The following CNPPD1 variants were observed in gnomAD, a reference collection of about 807,000 sequenced individuals.
The protein encoded by CNPPD1 is cyclin Pas1/PHO80 domain containing 1, also known as protein CNPPD1.
A neutral mutation model predicts 43.7 loss-of-function variants in CNPPD1; 40 were observed. That is an observed-to-expected ratio of 0.92 (90% CI 0.71 to 1.19). CNPPD1 has a LOEUF of 1.19. CNPPD1 is among the 50% of genes most tolerant of loss of function. The pLI is 0.00. For synonymous variants in CNPPD1, 208 were observed against 214.3 expected (o/e 0.97, Z 0.26); for missense variants, 511 against 518.5 (o/e 0.99, Z 0.14).
At chr2:219,175,257 T>C (rs1950140489) in intron 3 of CNPPD1, 149 bp from the exon 4 acceptor site, 1 of 1,066,564 alleles carries the variant, frequency 9.4e-7, no homozygotes, top group African/African-American at 1.6e-5. Context: ...TCCCAGCACT[T>C]TGGAAGACCA....
In CNPPD1 at chr2:219,174,972, G is replaced by C; in HGVS notation, c.381+16C>G. On this transcript the variant is annotated intron_variant, in intron 4 of 7. Coordinates refer to ENST00000360507, the MANE Select transcript of CNPPD1 (RefSeq NM_015680.6). ...GGCTCTTGGCTCTTTAGGGAGATGG[G>C]GAGGGGGTGTCTTACCATGGAGATC... 1.9e-6 allele frequency: 3 copies of C among 1,614,152 alleles called. No homozygotes were observed. Among genetic ancestry groups the C allele is most frequent in the Non-Finnish European group, 2.5e-6 (3 of 1,180,032 alleles).
rs201411225 is a variant in CNPPD1, at chr2:219,174,836, G to C, written c.452C>G (p.Ala151Gly). 4.3e-6 allele frequency: 7 copies of C among 1,614,074 alleles called. No homozygotes were observed. The East Asian group carries it at 1.6e-4, about 36-fold the overall frequency. The change falls in exon 5 of 8, where the codon GCT becomes GGT. Residue 151 changes from alanine to glycine, a missense_variant. Ala to Gly is a moderately conservative substitution (Grantham distance 60). Transcript: ENST00000360507. ...EEVFNDEWGA[A>G]GGVAVPTLNA... ...GAGAGTGGGCACGGCCACACCCCCA[G>C]CAGCTCCCCATTCGTCGTTGAAGAC...
Position 219,176,792 on chromosome 2 carries a change from T to C in CNPPD1, c.37A>G (p.Thr13Ala), listed in dbSNP as rs762816763. 1 of 1,584,806 alleles carries C rather than the reference T, an allele frequency of 6.3e-7. No homozygotes were observed. The highest frequency in any genetic ancestry group is 1.1e-5 in the South Asian group (1 of 87,052). ...LTGLLLDEEG[T>A]FSLAGFQDFT... ...TCCTGGAAGCCGGCGAGGGAGAAGGTGCCTTCTTCGTCCAGCAGGAGCCCG... is the reference window on the plus strand; with the variant it reads ...TCCTGGAAGCCGGCGAGGGAGAAGGCGCCTTCTTCGTCCAGCAGGAGCCCG... Residue 13 changes from threonine (T) to alanine (A), a missense_variant, in exon 1 of 8, where the codon ACC becomes GCC. Coordinates refer to ENST00000360507, the MANE Select transcript of CNPPD1 (RefSeq NM_015680.6).
rs4674361 is a variant in CNPPD1, at chr2:219,172,671, A to G, written c.1148T>C (p.Leu383Pro). 1,613,208 of 1,614,164 alleles carry G rather than the reference A, an allele frequency of 1. 806,129 individuals are homozygous for G. The highest frequency in any genetic ancestry group is 1 in the Non-Finnish European group (1,180,025 of 1,180,036). Residue 383 changes from leucine to proline, a missense_variant, in exon 8 of 8, where the codon CTC becomes CCC. Coordinates refer to ENST00000360507, the MANE Select transcript of CNPPD1 (RefSeq NM_015680.6). ...TTGCTGAGGCTGAGGAAGTGAAAGG[A>G]GCACCGGGCTCCAAGGCCAGGGGGG... ...LAPPWPWSPV[L>P]LSLPQPQQCS...
In CNPPD1 at chr2:219,176,284, G is replaced by C; in HGVS notation, c.117C>G (p.Leu39=). 6.2e-7 allele frequency: 1 copy of C among 1,614,216 alleles called. No individual in the cohort carries two copies. The highest frequency in any genetic ancestry group is 1.1e-5 in the South Asian group (1 of 91,090). ...CGGCTTCCCAGTCCCAGCCATAGTA[G>C]AGCCTCCTTCGGATCCGGGCACTCA... ...QKLSARIRRR[L]YYGWDWEADC... Residue 39 remains leucine, a synonymous_variant, in exon 2 of 8, where the codon CTC becomes CTG. Coordinates refer to ENST00000360507, the MANE Select transcript of CNPPD1 (RefSeq NM_015680.6).
intron 3 of CNPPD1, 130 bp from the exon 4 acceptor site, chr2:219,175,238 T>G: frequency 1.6e-6 from 2 of 1,229,610 alleles, no homozygotes; most frequent in Non-Finnish European, 2.2e-6. Flanking sequence ...CGGTGGCTCA[T>G]GTCTGTAATC....
upstream of CNPPD1, chr2:219,178,139 A>G (rs1277063423): frequency 3.7e-6 from 1 of 267,306 alleles, no homozygotes; most frequent in Non-Finnish European, 6.6e-6. Context: ...GCGCAGTGTC[A>G]GCGGCAGCCG....
intron 1 of CNPPD1, 185 bp from the exon 2 acceptor site, chr2:219,176,516 C>T (rs556909335): frequency 3.2e-6 from 2 of 624,482 alleles, no homozygotes; most frequent in Admixed American, 2.9e-5. Context: ...GGGAGGAATG[C>T]CCCCACCCCC....
chr2:219,174,201 G>A lies in CNPPD1; in HGVS notation c.517C>T (p.His173Tyr). Residue 173 changes from histidine (H) to tyrosine (Y), a missense_variant, in exon 6 of 8, where the codon CAT becomes TAT. Coordinates refer to ENST00000360507, the MANE Select transcript of CNPPD1 (RefSeq NM_015680.6). The stretch of plus-strand genomic sequence containing the variant: ...ATCTCCCGAGGGTCAGTGTAGAGAT[G>A]CCAATCCTGTGAGTACGGAGAGTGG... ...ERGFLSAMDW[H>Y]LYTDPREIFE... 6.2e-7 allele frequency: 1 copy of A among 1,614,048 alleles called. No homozygotes were observed. The highest frequency in any genetic ancestry group is 8.5e-7 in the Non-Finnish European group (1 of 1,179,980).
At chr2:219,173,156 A>C (rs1950102852) in intron 7 of CNPPD1, 28 bp from the exon 8 acceptor site, 2 of 1,539,848 alleles carry the variant, frequency 1.3e-6, no homozygotes, top group Admixed American at 3.9e-5. Context: ...AGAAAGAAGG[A>C]ATCTGTCTTT....
chr2:219,172,730 C>T lies in CNPPD1; in HGVS notation c.1089G>A (p.Leu363=). 6.2e-7 allele frequency: 1 copy of T among 1,613,352 alleles called. No individual in the cohort carries two copies. The highest frequency in any genetic ancestry group is 8.5e-7 in the Non-Finnish European group (1 of 1,179,616). Residue 363 remains leucine, a synonymous_variant, in exon 8 of 8, where the codon CTG becomes CTA. Coordinates refer to ENST00000360507, the MANE Select transcript of CNPPD1 (RefSeq NM_015680.6). ...CATAGGTATGGTACCAGGGGCTGGA[C>T]AGCGCAGTGGGGACTGTACGGTTGG... ...LHPNRTVPTA[L]SSPWYHTYGL...
In CNPPD1 at chr2:219,173,349, C is replaced by T. The variant is rs777021651; in HGVS notation, c.690+1G>A. ...CCCTATCCTTCCGAGCCCCTCCTCA[C>T]CTTTACCAGCCGCTGGCAGAGGGAG... On this transcript the variant is annotated splice_donor_variant, in intron 7 of 7. Coordinates refer to ENST00000360507, the MANE Select transcript of CNPPD1 (RefSeq NM_015680.6). LOFTEE classifies it high-confidence loss of function. The T allele has an allele frequency of 6.2e-7, 1 of 1,612,696 alleles. No individual in the cohort carries two copies. Among genetic ancestry groups the T allele is most frequent in the Admixed American group, 1.7e-5 (1 of 59,990 alleles).
Position 219,176,806 on chromosome 2 carries a change from A to G in CNPPD1, c.23T>C (p.Leu8Pro). MDLTGLL[L>P]DEEGTFSLAG... ...GAGGGAGAAGGTGCCTTCTTCGTCC[A>G]GCAGGAGCCCGGTCAGGTCCATCGC... Residue 8 changes from leucine (L) to proline (P), a missense_variant, in exon 1 of 8, where the codon CTG becomes CCG. By Grantham distance (98) the Leu-to-Pro change is moderately conservative. Transcript: ENST00000360507. The G allele has an allele frequency of 6.3e-7, 1 of 1,583,280 alleles. No homozygotes were observed. Among genetic ancestry groups the G allele is most frequent in the South Asian group, 1.2e-5 (1 of 86,894 alleles).
chr2:219,173,159 C>A, intron 7 of CNPPD1, 31 bp from the exon 8 acceptor site: 1 of 1,533,538 alleles, frequency 6.5e-7, no homozygotes. Context: ...AAGAAGGAAT[C>A]TGTCTTTAAC....
At chr2:219,175,263 G>A (rs1950140571) in intron 3 of CNPPD1, among the ~76,000 whole-genome samples, 155 bp from the exon 4 acceptor site, 1 of 152,210 alleles carries the variant, frequency 6.6e-6, no homozygotes, top group African/African-American at 2.4e-5. Context: ...CACTTTGGAA[G>A]ACCAAGGTGG....
rs964838225 is a variant in CNPPD1 at position 219,172,647 on chromosome 2, T to C, written c.1172A>G (p.Gln391Arg). 1 of 1,613,986 alleles carries C rather than the reference T, an allele frequency of 6.2e-7. No homozygotes were observed. The highest frequency in any genetic ancestry group is 8.5e-7 in the Non-Finnish European group (1 of 1,180,024). Residue 391 changes from glutamine (Q) to arginine (R), a missense_variant, in exon 8 of 8, where the codon CAA (glutamine) becomes CGA (arginine). Coordinates refer to ENST00000360507, the MANE Select transcript of CNPPD1 (RefSeq NM_015680.6). Reference protein sequence around the residue: ...PVLLSLPQPQQCSLFSVMELA... With the variant: ...PVLLSLPQPQRCSLFSVMELA... ...CTCCATGACACTGAAAAGGGAACAT[T>C]GCTGAGGCTGAGGAAGTGAAAGGAG...
At position 219,172,813 on chromosome 2, in the gene CNPPD1, A is replaced by G. The variant is rs1269981198; in HGVS notation, c.1006T>C (p.Cys336Arg). The change falls in exon 8 of 8, where the codon TGC (cysteine) becomes CGC (arginine). Residue 336 changes from cysteine to arginine, a missense_variant. Physicochemically the swap from Cys to Arg is radical, Grantham distance 180. Transcript: ENST00000360507. ...PPAPPTLLHN[C>R]HLCQKLQRDS... ...CTCTGGAGCTTCTGGCAAAGGTGGC[A>G]GTTATGAAGAAGAGTGGGAGGGGCA... The G allele has an allele frequency of 6.3e-7, 1 of 1,584,218 alleles. No individual in the cohort carries two copies. The highest frequency in any genetic ancestry group is 1.1e-5 in the South Asian group (1 of 87,390).
At chr2:219,177,473 A>C (rs1950195309), upstream of CNPPD1, among the ~76,000 whole-genome samples, 1 of 152,228 alleles carries the variant, frequency 6.6e-6, no homozygotes, top group East Asian at 1.9e-4. Flanking sequence ...TCAGCAATGC[A>C]TATGAAAAGC....
In CNPPD1 at chr2:219,173,068, C is replaced by G. The variant is rs761296410; in HGVS notation, c.751G>C (p.Ala251Pro). The G allele has an allele frequency of 1.2e-6, 2 of 1,608,954 alleles. No individual in the cohort carries two copies. The highest frequency in any genetic ancestry group is 1.7e-6 in the Non-Finnish European group (2 of 1,179,204). ...SSVALAVASV[A>P]VIHQSLGLSC... ...AGCCCCAAAGACTGATGTATTACGG[C>G]CACCGATGCCACAGCCAGGGCCACA... The change falls in exon 8 of 8, where the codon GCC becomes CCC. Residue 251 changes from alanine (A) to proline (P), a missense_variant. Coordinates refer to ENST00000360507, the MANE Select transcript of CNPPD1 (RefSeq NM_015680.6).
Sources: gnomAD v4.1 joint callset for allele counts (sites outside exome capture counted in the v4.1 genomes callset) on GRCh38, gnomAD v4.1.1 for gene constraint, MANE v1.5 for transcripts, NCBI Gene and HGNC (gene_info 2026-07-23, HGNC 2026-07-21) for gene names.